Variants in ATP2B2 observed in about 807,000 individuals in gnomAD.
The protein encoded by ATP2B2 is ATPase plasma membrane Ca2+ transporting 2.
ATP2B2 carries 15 observed loss-of-function variants against 120.0 expected under a neutral mutation model. The ratio of observed to expected loss-of-function variants is 0.12; its 90% CI spans 0.08 to 0.19. The LOEUF (loss-of-function observed/expected upper bound fraction) is 0.19, where lower values mean the gene tolerates loss of function less well. ATP2B2 is among the 10% of genes least tolerant of loss of function. The pLI, the probability that ATP2B2 is intolerant of heterozygous loss-of-function variation, is 1.00. For missense variants in ATP2B2, 1,045 were observed against 1,719.8 expected, an observed-to-expected ratio of 0.61 and a Z score of 6.94; for synonymous variants, 694 against 700.3, an observed-to-expected ratio of 0.99 and a Z score of 0.14.
intron 1 of ATP2B2, among the ~76,000 whole-genome samples, chr3:10,653,204 G>A (rs771697595): frequency 7.2e-5 from 11 of 152,110 alleles, no homozygotes; most frequent in Non-Finnish European, 1.0e-4. Context: ...AGGCCTGCAC[G>A]GCTCCTCCAT....
intron 1 of ATP2B2, among the ~76,000 whole-genome samples, chr3:10,484,552 C>T (rs1014424519): frequency 6.6e-6 from 1 of 152,134 alleles, no homozygotes; most frequent in African/African-American, 2.4e-5. Flanking sequence ...GAGTTCCTCA[C>T]GGCCTGTCCC....
intron 1 of ATP2B2, among the ~76,000 whole-genome samples, chr3:10,693,917 G>A (rs1372671911): frequency 6.6e-6 from 1 of 152,198 alleles, no homozygotes; most frequent in African/African-American, 2.4e-5. Context: ...GTGGGACCAT[G>A]TCTCTGTTGC....
intron 3 of ATP2B2, among the ~76,000 whole-genome samples, chr3:10,518,941 G>C (rs1406783613): frequency 6.6e-6 from 1 of 152,246 alleles, no homozygotes; most frequent in African/African-American, 2.4e-5. Context: ...GGGCTGTGGT[G>C]AAGATAAACT....
intron 1 of ATP2B2, among the ~76,000 whole-genome samples, chr3:10,463,146 T>C (rs1341032402): frequency 6.6e-6 from 1 of 152,142 alleles, no homozygotes; most frequent in Non-Finnish European, 1.5e-5. Context: ...CTCTCTTCCC[T>C]CTGCCAGCCC....
intron 1 of ATP2B2, among the ~76,000 whole-genome samples, chr3:10,694,706 G>A (rs931376332): frequency 6.6e-6 from 1 of 152,144 alleles, no homozygotes; most frequent in Admixed American, 6.5e-5. Context: ...TCTGATGAGT[G>A]AAAATTGATC....
Position 10,529,019 on chromosome 3 carries a change from A to ACCCC in ATP2B2, c.-320+5016_-320+5019dup, listed in dbSNP as rs573492716. On this transcript the variant is annotated intron_variant, in intron 3 of 21. Transcript: ENST00000646379. Reference sequence around the variant, plus strand: ...TGGCAATAAAGGGGGTCCAGCACTGACCCCCCACCTCTCTGGGCATCCCAG... The same window carrying ACCCC: ...TGGCAATAAAGGGGGTCCAGCACTGACCCCCCCCCCACCTCTCTGGGCATCCCAG... 1.6e-3 allele frequency among the ~76,000 whole-genome samples: 248 copies of ACCCC among 152,130 alleles called. 1 individual carries two copies. The highest frequency in any genetic ancestry group is 5.8e-3 in the African/African-American group (239 of 41,496).
At chr3:10,689,038 G>T (rs2071592891) in intron 1 of ATP2B2, among the ~76,000 whole-genome samples, 1 of 152,168 alleles carries the variant, frequency 6.6e-6, no homozygotes, top group Admixed American at 6.5e-5. Context: ...GCATGTGAGG[G>T]TTTGACCAAC....
At chr3:10,606,413 C>T (rs78349542) in intron 2 of ATP2B2, among the ~76,000 whole-genome samples, 1,554 of 152,192 alleles carry the variant, frequency 0.01, 20 homozygotes, top group African/African-American at 0.032. Context: ...AGCTGTAGTC[C>T]GCACCATCTA....
At chr3:10,658,465 G>A (rs542950208) in intron 1 of ATP2B2, among the ~76,000 whole-genome samples, 2 of 152,306 alleles carry the variant, frequency 1.3e-5, no homozygotes, top group East Asian at 1.9e-4. Flanking sequence ...TTCAGTAGCC[G>A]ATTTGATCAA....
In ATP2B2 at chr3:10,402,493, C is replaced by T; in HGVS notation, c.398-145G>A. The T allele has an allele frequency of 2.4e-6, 3 of 1,256,326 alleles. No homozygotes were observed. The South Asian group carries it at 3.8e-5, about 16-fold the overall frequency. 77.8% of individuals were successfully genotyped at this position (1,256,326 alleles called of 1,614,324 possible). On this transcript the variant is annotated intron_variant, in intron 3 of 22. Coordinates refer to ENST00000360273, the MANE Select transcript of ATP2B2 (RefSeq NM_001001331.4). This position sits in a 1 kb window ranked among gnomAD's most constrained non-coding sequence, Gnocchi z 4.9. Reference sequence around the variant, plus strand: ...CCACTTACTCAGTGTGTCTGGGTACCAAGCCCTGTGGAAAGTGCTTCACGC... The same window carrying T: ...CCACTTACTCAGTGTGTCTGGGTACTAAGCCCTGTGGAAAGTGCTTCACGC...
chr3:10,420,264 A>T (rs946296067), intron 2 of ATP2B2, among the ~76,000 whole-genome samples: 1 of 152,180 alleles, frequency 6.6e-6, no homozygotes, highest in African/African-American at 2.4e-5. Context: ...CAAAGCAATG[A>T]AATGGGACAG....
At chr3:10,625,365 G>A (rs1243688711) in intron 1 of ATP2B2, among the ~76,000 whole-genome samples, 1 of 152,182 alleles carries the variant, frequency 6.6e-6, no homozygotes, top group Non-Finnish European at 1.5e-5. Context: ...AGGGGTGGTG[G>A]AGCCAGGGGG....
At chr3:10,387,683 T>G (rs886072362) in intron 6 of ATP2B2, among the ~76,000 whole-genome samples, 2 of 152,174 alleles carry the variant, frequency 1.3e-5, no homozygotes, top group Non-Finnish European at 2.9e-5. Context: ...GCTCGCTGCA[T>G]TGAGGAGAGC....
chr3:10,450,844 C>T (rs1193065003), intron 1 of ATP2B2, among the ~76,000 whole-genome samples: 1 of 152,162 alleles, frequency 6.6e-6, no homozygotes, highest in East Asian at 1.9e-4. Flanking sequence ...CGACACCCAA[C>T]ACCAGAGGCC....
At chr3:10,331,820 G>A (rs900139799) in intron 22 of ATP2B2, 1 of 594,378 alleles carries the variant, frequency 1.7e-6, no homozygotes, top group East Asian at 2.8e-5. Flanking sequence ...CAGCACAAAG[G>A]GAACAGGGAG....
intron 3 of ATP2B2, among the ~76,000 whole-genome samples, chr3:10,512,464 G>GCGCACACACACACA (rs749056818): frequency 7.3e-6 from 1 of 136,924 alleles, no homozygotes; most frequent in Non-Finnish European, 1.6e-5. Context: ...AAGTGTGTGC[G>GCGCACACACACACA]CACACACACA....
chr3:10,512,484 A>T (rs1019137793), intron 3 of ATP2B2, among the ~76,000 whole-genome samples: 2 of 149,416 alleles, frequency 1.3e-5, no homozygotes, highest in African/African-American at 5.0e-5. Context: ...ACACACACAC[A>T]CACACACACA....
intron 1 of ATP2B2, among the ~76,000 whole-genome samples, chr3:10,495,166 G>A (rs141776120): frequency 0.015 from 2,271 of 152,302 alleles, 35 homozygotes; most frequent in Admixed American, 0.029. Flanking sequence ...TGTCCCCGTG[G>A]GCAGTTGCAT....
chr3:10,444,068 C>G (rs1230995250), intron 2 of ATP2B2, among the ~76,000 whole-genome samples: 1 of 152,196 alleles, frequency 6.6e-6, no homozygotes, highest in Non-Finnish European at 1.5e-5. Context: ...GAGTTTTTCT[C>G]CTCTCGGCCT....
Sources: gnomAD v4.1 joint callset for allele counts (sites outside exome capture counted in the v4.1 genomes callset) on GRCh38, gnomAD v4.1.1 for gene constraint, Gnocchi (gnomAD v3.1) non-coding constraint, MANE v1.5 for transcripts, NCBI Gene and HGNC (gene_info 2026-07-23, HGNC 2026-07-21) for gene names.